The following SVOPL variants were observed in gnomAD, a reference collection of about 807,000 sequenced individuals.
SVOPL encodes SVOP like, also known as putative transporter SVOPL.
In SVOPL, 60 loss-of-function variants were observed where a neutral mutation model predicts 61.0. That is an observed-to-expected ratio of 0.98 (90% CI 0.80 to 1.22). The LOEUF is 1.22. Ranked by LOEUF, SVOPL falls within the 50% of genes most tolerant of loss-of-function variation. The probability of loss-of-function intolerance (pLI) is 0.00; values close to 1 mark genes in which losing one functional copy is unlikely to be tolerated. For missense variants in SVOPL, 662 were observed against 643.9 expected (o/e 1.03, Z -0.30); for synonymous variants, 279 against 250.0 (o/e 1.12, Z -1.09).
intron 15 of SVOPL, among the ~76,000 whole-genome samples, chr7:138,596,189 A>T (rs1213966526): frequency 1.2e-4 from 5 of 43,426 alleles, no homozygotes; most frequent in African/African-American, 3.2e-4. Context: ...ACTCTGTCTT[A>T]AAAAAAAAAA....
chr7:138,605,523 G>A (rs932135975), intron 14 of SVOPL, among the ~76,000 whole-genome samples: 8 of 151,540 alleles, frequency 5.3e-5, no homozygotes, highest in African/African-American at 1.5e-4. Context: ...TTAGCTGAGC[G>A]TGGTGGCAGG....
At chr7:138,616,848 G>A (rs149257138) in intron 14 of SVOPL, among the ~76,000 whole-genome samples, 3 of 152,114 alleles carry the variant, frequency 2.0e-5, no homozygotes, top group South Asian at 4.2e-4. Context: ...GTGCAGTGGT[G>A]CAAACATAGC....
chr7:138,611,906 T>TGATTGAGAA (rs1799043478), intron 14 of SVOPL, among the ~76,000 whole-genome samples: 1 of 56,200 alleles, frequency 1.8e-5, no homozygotes, highest in African/African-American at 6.2e-5. Context: ...GCCCAACAGC[T>TGATTGAGAA]CATTGAGAAC....
intron 9 of SVOPL, among the ~76,000 whole-genome samples, chr7:138,640,926 GT>G (rs143482807): frequency 0.012 from 1,802 of 152,220 alleles, 25 homozygotes; most frequent in South Asian, 0.062. Flanking sequence ...AGTTGACTGG[GT>G]TACAGTGGTT....
Position 138,594,636 on chromosome 7 carries a change from T to C in SVOPL, c.1468-15A>G. ...CATTTAATTTGCTGGAAGAAAGTTATTTAATAGATCAGTAATAGACTTTTT... is the reference window on the plus strand; with the variant it reads ...CATTTAATTTGCTGGAAGAAAGTTACTTAATAGATCAGTAATAGACTTTTT... On this transcript the variant is annotated splice_polypyrimidine_tract_variant and intron_variant, in intron 15 of 15. Transcript: ENST00000674285. 6.3e-7 allele frequency: 1 copy of C among 1,592,146 alleles called. No individual in the cohort carries two copies. Among genetic ancestry groups the C allele is most frequent in the Non-Finnish European group, 8.6e-7 (1 of 1,167,874 alleles).
intron 1 of SVOPL, among the ~76,000 whole-genome samples, chr7:138,690,959 G>C (rs1802926883): frequency 6.6e-6 from 1 of 152,056 alleles, no homozygotes; most frequent in Admixed American, 6.6e-5. Flanking sequence ...AATTTTACTA[G>C]AGACTGAGTT....
At chr7:138,663,467 T>G in intron 4 of SVOPL, 1 of 1,190,640 alleles carries the variant, frequency 8.4e-7, no homozygotes, top group South Asian at 2.3e-5. Context: ...ATTTTTAAAA[T>G]TGTCTGTTCA....
In SVOPL at chr7:138,685,876, A is replaced by AC. The variant is rs1563138413; in HGVS notation, c.-34-6798_-34-6797insG. On this transcript the variant is annotated intron_variant, in intron 1 of 15. Transcript: ENST00000674285. ...AACAGAGCAAGACTGTCTCAAAAAA[A>AC]AAATAAAATAAAATAAATAATAAAT... Among the ~76,000 whole-genome samples the AC allele has an allele frequency of 9.0e-4, 136 of 150,952 alleles. 2 individuals carry two copies. The highest frequency in any genetic ancestry group is 3.2e-3 in the African/African-American group (133 of 41,102).
At chr7:138,605,090 A>T (rs1326048586) in intron 14 of SVOPL, among the ~76,000 whole-genome samples, 1 of 151,846 alleles carries the variant, frequency 6.6e-6, no homozygotes, top group Admixed American at 6.6e-5. Flanking sequence ...ATAATCGCTA[A>T]TGTAGAGGAA....
intron 5 of SVOPL, 94 bp from the exon 6 acceptor site, chr7:138,660,082 G>A: frequency 3.3e-6 from 5 of 1,508,356 alleles, no homozygotes; most frequent in Non-Finnish European, 4.4e-6. Flanking sequence ...TTTCCATCCT[G>A]ATAGTTGCTT....
chr7:138,664,853 T>C (rs202240730), intron 4 of SVOPL, among the ~76,000 whole-genome samples: 1 of 76,678 alleles, frequency 1.3e-5, no homozygotes, highest in East Asian at 8.1e-4. Context: ...TCGACCCTTC[T>C]CCCCAACTCC....
chr7:138,680,077 G>A (rs1228727056), intron 1 of SVOPL, among the ~76,000 whole-genome samples: 1 of 151,958 alleles, frequency 6.6e-6, no homozygotes, highest in East Asian at 1.9e-4. Flanking sequence ...TGGGAGGGAA[G>A]ATGGCTTTGA....
intron 9 of SVOPL, among the ~76,000 whole-genome samples, chr7:138,631,256 G>A (rs1330766297): frequency 6.6e-6 from 1 of 152,124 alleles, no homozygotes; most frequent in African/African-American, 2.4e-5. Context: ...TACATGAGCT[G>A]TTTTGATAAA....
chr7:138,611,333 G>A (rs1248024794), intron 14 of SVOPL, among the ~76,000 whole-genome samples: 1 of 152,088 alleles, frequency 6.6e-6, no homozygotes, highest in African/African-American at 2.4e-5. Flanking sequence ...GGCTGAGATC[G>A]CACCATTGCA....
intron 1 of SVOPL, among the ~76,000 whole-genome samples, chr7:138,687,034 G>A (rs1802832562): frequency 6.6e-6 from 1 of 152,046 alleles, no homozygotes; most frequent in African/African-American, 2.4e-5. Flanking sequence ...TCTCAAGAGC[G>A]AACATAGAAA....
At chr7:138,600,709 C>A (rs183542372) in intron 14 of SVOPL, among the ~76,000 whole-genome samples, 506 of 152,160 alleles carry the variant, frequency 3.3e-3, no homozygotes, top group African/African-American at 0.012. Context: ...AGAAGCCATA[C>A]AAATGGCCAA....
intron 9 of SVOPL, among the ~76,000 whole-genome samples, chr7:138,643,551 T>C (rs1231052719): frequency 6.6e-6 from 1 of 152,074 alleles, no homozygotes; most frequent in Admixed American, 6.6e-5. Context: ...AAACGTGGCC[T>C]ATCCATACAA....
intron 11 of SVOPL, among the ~76,000 whole-genome samples, chr7:138,627,727 G>A (rs1488448397): frequency 6.6e-6 from 1 of 152,110 alleles, no homozygotes; most frequent in Non-Finnish European, 1.5e-5. Context: ...CCAGTTGCTA[G>A]GCCTGTATTT....
intron 14 of SVOPL, among the ~76,000 whole-genome samples, chr7:138,597,847 G>A (rs1165302454): frequency 6.6e-6 from 1 of 152,114 alleles, no homozygotes; most frequent in Non-Finnish European, 1.5e-5. Context: ...ATCCTAAACT[G>A]TCCCCATTTT....
Sources: gnomAD v4.1 joint callset for allele counts (sites outside exome capture counted in the v4.1 genomes callset) on GRCh38, gnomAD v4.1.1 for gene constraint, MANE v1.5 for transcripts, NCBI Gene and HGNC (gene_info 2026-07-23, HGNC 2026-07-21) for gene names.